RASGEF1C: variants seen among roughly 807,000 people sequenced by gnomAD.
RASGEF1C encodes the protein ras-GEF domain-containing family member 1C.
RASGEF1C carries 27 observed loss-of-function variants against 58.1 expected under a neutral mutation model. The ratio of observed to expected loss-of-function variants is 0.46; its 90% CI spans 0.34 to 0.64. The LOEUF is 0.64. Among genes scored for constraint, RASGEF1C ranks in the 30% least tolerant of loss-of-function variants. The probability of loss-of-function intolerance (pLI) is 0.01; values close to 1 mark genes in which losing one functional copy is unlikely to be tolerated. For missense variants in RASGEF1C, 502 were observed against 605.1 expected (o/e 0.83, Z 1.79); for synonymous variants, 243 against 246.3 (o/e 0.99, Z 0.13).
chr5:180,118,511 C>T (rs912483268), intron 10 of RASGEF1C, 98 bp downstream of exon 10: 9 of 1,138,166 alleles, frequency 7.9e-6, no homozygotes, highest in Admixed American at 4.6e-5. Flanking sequence ...CTGTCTATTA[C>T]TGATGCTGCA....
chr5:180,191,107 G>A (rs756177756), intron 1 of RASGEF1C, among the ~76,000 whole-genome samples: 1 of 152,214 alleles, frequency 6.6e-6, no homozygotes, highest in Non-Finnish European at 1.5e-5. Context: ...CTGTATGCCT[G>A]TTAGAACGGC....
Position 180,128,488 on chromosome 5 carries a change from T to A in RASGEF1C, c.561A>T (p.Pro187=), listed in dbSNP as rs1253279620. ...DKPISYRTKP[P]ASIHRELLGV... The stretch of plus-strand genomic sequence containing the variant: ...CAAGGAGCTCCCTGTGGATGGAGGC[T>A]GGTGGCTTGGTCCTGTAGGAGATGG... Residue 187 remains proline, a synonymous_variant, in exon 5 of 14, where the codon CCA becomes CCT. Coordinates refer to ENST00000361132, the MANE Select transcript of RASGEF1C (RefSeq NM_175062.4). 6.2e-7 allele frequency: 1 copy of A among 1,614,166 alleles called. No individual in the cohort carries two copies. The highest frequency in any genetic ancestry group is 1.3e-5 in the African/African-American group (1 of 75,040).
intron 5 of RASGEF1C, 122 bp downstream of exon 5, chr5:180,128,285 TCGA>T: frequency 6.6e-6 from 6 of 911,500 alleles, no homozygotes; most frequent in Non-Finnish European, 1.1e-5. Flanking sequence ...CAGTGCATGC[TCGA>T]GGCTAGGCCA....
intron 1 of RASGEF1C, among the ~76,000 whole-genome samples, chr5:180,205,327 C>A (rs1314860863): frequency 6.6e-6 from 1 of 151,728 alleles, no homozygotes; most frequent in Non-Finnish European, 1.5e-5. Context: ...GAAGAAAAAA[C>A]CATTTATAGT....
At position 180,149,614 on chromosome 5, in the gene RASGEF1C, C is replaced by A. The variant is rs150048322; in HGVS notation, c.-6-11556G>T. On this transcript the variant is annotated intron_variant, in intron 1 of 13. Coordinates refer to ENST00000361132, the MANE Select transcript of RASGEF1C (RefSeq NM_175062.4). Reference sequence around the variant, plus strand: ...GGGACTACAGGCATGCACCACCACGCCCAGCTAATTTTTGTATTTTTAGTA... The same window carrying A: ...GGGACTACAGGCATGCACCACCACGACCAGCTAATTTTTGTATTTTTAGTA... Among the ~76,000 whole-genome samples, 1,327 of 151,770 alleles carry A rather than the reference C, an allele frequency of 8.7e-3. 23 individuals are homozygous for A. Among genetic ancestry groups the A allele is most frequent in the African/African-American group, 0.03 (1,250 of 41,338 alleles).
In RASGEF1C at chr5:180,103,050, A is replaced by T. The variant is rs147100753; in HGVS notation, c.1304-907T>A. Among the ~76,000 whole-genome samples the T allele has an allele frequency of 9.0e-3, 1,374 of 152,214 alleles. 18 individuals carry two copies. Among genetic ancestry groups the T allele is most frequent in the African/African-American group, 0.032 (1,315 of 41,524 alleles). The stretch of plus-strand genomic sequence containing the variant: ...TCGAGAACATCCTATGTCTCCATTT[A>T]TCTACATCTTTCTTGATTTCTTTCA... On this transcript the variant is annotated intron_variant, in intron 12 of 13. Transcript: ENST00000361132.
chr5:180,178,059 C>T (rs1247227357), intron 1 of RASGEF1C, among the ~76,000 whole-genome samples: 2 of 151,596 alleles, frequency 1.3e-5, no homozygotes, highest in African/African-American at 4.8e-5. Context: ...TTTCGCCTCC[C>T]AGGTTCAAGT....
intron 4 of RASGEF1C, among the ~76,000 whole-genome samples, chr5:180,135,860 CAG>C (rs1434225668): frequency 1.3e-5 from 2 of 152,264 alleles, no homozygotes; most frequent in Non-Finnish European, 2.9e-5. Context: ...CCCGTGGAGG[CAG>C]AGAGGATCTC....
At position 180,101,023 on chromosome 5, in the gene RASGEF1C, A is replaced by G. The variant is rs1765773538; in HGVS notation, c.*478T>C. ...GGTGAGGGACCATGGGTGGAATGGCAGTGGCTGCCAGTGGGCTCGGGGCTG... is the reference window on the plus strand; with the variant it reads ...GGTGAGGGACCATGGGTGGAATGGCGGTGGCTGCCAGTGGGCTCGGGGCTG... On this transcript the variant is annotated 3_prime_UTR_variant, in exon 14 of 14. Coordinates refer to ENST00000361132, the MANE Select transcript of RASGEF1C (RefSeq NM_175062.4). The G allele has an allele frequency of 1.3e-5, 2 of 157,750 alleles. No individual in the cohort carries two copies. The highest frequency in any genetic ancestry group is 1.3e-4 in the Admixed American group (2 of 15,740). The allele number at this position is 157,750 out of a possible 1,614,324, so 9.8% of individuals were successfully genotyped here.
At chr5:180,199,978 C>T (rs1756354446) in intron 1 of RASGEF1C, among the ~76,000 whole-genome samples, 1 of 152,038 alleles carries the variant, frequency 6.6e-6, no homozygotes, top group Non-Finnish European at 1.5e-5. Flanking sequence ...TGTTAAAAAT[C>T]GGGTCGGACG....
chr5:180,166,321 T>C (rs1767019986), intron 1 of RASGEF1C, among the ~76,000 whole-genome samples: 1 of 152,126 alleles, frequency 6.6e-6, no homozygotes, highest in Admixed American at 6.5e-5. Context: ...GAGTCTATTA[T>C]ATTGACACAG....
chr5:180,137,471 T>G lies in RASGEF1C; in HGVS notation c.300+119A>C. On this transcript the variant is annotated intron_variant, in intron 3 of 13. Transcript: ENST00000361132. The surrounding 1 kb of genome is among the most constrained non-coding windows in gnomAD (Gnocchi z 4.1). ...CCTCAGACAAGGTGGAAACACCCGGTAGCCACCTTGTCAGGAAAACGGGGA... is the reference window on the plus strand; with the variant it reads ...CCTCAGACAAGGTGGAAACACCCGGGAGCCACCTTGTCAGGAAAACGGGGA... The G allele has an allele frequency of 2.1e-6, 3 of 1,399,136 alleles. No individual in the cohort carries two copies. The highest frequency in any genetic ancestry group is 2.9e-6 in the Non-Finnish European group (3 of 1,024,778). 86.7% of individuals were successfully genotyped at this position (1,399,136 alleles called of 1,614,324 possible).
In RASGEF1C at chr5:180,209,174, G is replaced by T. The variant is rs1756557563; in HGVS notation, c.-153C>A. The T allele has an allele frequency of 1.4e-5, 2 of 146,814 alleles. No homozygotes were observed. Among genetic ancestry groups the T allele is most frequent in the South Asian group, 3.8e-4 (2 of 5,220 alleles). The allele number at this position is 146,814 out of a possible 1,614,324, so 9.1% of individuals were successfully genotyped here. A position where few individuals can be genotyped will look rare whatever the true frequency, so the allele number is the denominator to read the frequency against. On this transcript the variant is annotated 5_prime_UTR_variant, in exon 1 of 14. In the 5' UTR this introduces an upstream ATG that the reference lacks. Coordinates refer to ENST00000361132, the MANE Select transcript of RASGEF1C (RefSeq NM_175062.4). ...GCCCGACCGCCCGGCTCCCAGCGCA[G>T]CCCGCACGAGCGCCTGGCGGCGGCC...
intron 11 of RASGEF1C, among the ~76,000 whole-genome samples, chr5:180,113,781 T>TGGGGATGGATGGAGGGACC (rs1766015570): frequency 2.3e-5 from 2 of 87,360 alleles, no homozygotes; most frequent in African/African-American, 4.5e-5. Context: ...ACGGAGGGAT[T>TGGGGATGGATGGAGGGACC]GGGGATGGAT....
rs62406148 is a variant in RASGEF1C, at chr5:180,191,578, C to A, written c.-7+17450G>T. Among the ~76,000 whole-genome samples the A allele has an allele frequency of 3.3e-5, 5 of 151,688 alleles. No individual in the cohort carries two copies. In the Middle Eastern group the frequency reaches 0.01, roughly 310 times the overall value. On this transcript the variant is annotated intron_variant, in intron 1 of 13. Coordinates refer to ENST00000361132, the MANE Select transcript of RASGEF1C (RefSeq NM_175062.4). ...TCACCGTGTTAGCCAGGATGGTCTC[C>A]ATCTCCTGACCTCGTGATCCGCCCG... is the stretch of plus-strand genomic sequence containing the variant.
chr5:180,130,807 C>A (rs995037888), intron 4 of RASGEF1C, among the ~76,000 whole-genome samples: 2 of 152,146 alleles, frequency 1.3e-5, no homozygotes, highest in Non-Finnish European at 2.9e-5. Flanking sequence ...CACCTGCAGT[C>A]TCCCTCTGAT....
chr5:180,178,275 CTTTTTTTTTTT>C (rs5873679), intron 1 of RASGEF1C, among the ~76,000 whole-genome samples: 1 of 32,702 alleles, frequency 3.1e-5, no homozygotes, highest in Non-Finnish European at 5.1e-5. Context: ...ACCCGGCTGG[CTTTTTTTTTTT>C]TTTTTTTTTT....
chr5:180,120,622 G>T (rs894086913), intron 7 of RASGEF1C, among the ~76,000 whole-genome samples: 18 of 152,302 alleles, frequency 1.2e-4, no homozygotes, highest in African/African-American at 3.8e-4. Context: ...GCTGAGTGTT[G>T]GTGCTTTCCA....
intron 1 of RASGEF1C, among the ~76,000 whole-genome samples, chr5:180,205,062 A>G (rs1756465803): frequency 6.6e-6 from 1 of 152,134 alleles, no homozygotes; most frequent in Admixed American, 6.5e-5. Flanking sequence ...GGTGGCAGGC[A>G]CCTGTAATCT....
Sources: allele counts gnomAD v4.1 joint callset (sites outside exome capture counted in the v4.1 genomes callset), GRCh38; gene constraint gnomAD v4.1.1; non-coding constraint Gnocchi (gnomAD v3.1); transcripts MANE v1.5; gene names NCBI Gene and HGNC (gene_info 2026-07-23, HGNC 2026-07-21).